Variants in NEK8 observed in about 807,000 individuals in gnomAD.
The protein encoded by NEK8 is NIMA related kinase 8, also known as serine/threonine-protein kinase Nek8.
NEK8 carries 51 observed loss-of-function variants against 77.2 expected under a neutral mutation model. The observed-to-expected ratio is 0.66, with a 90% confidence interval of 0.53 to 0.83. NEK8 has a LOEUF of 0.83. NEK8 is among the 40% of genes least tolerant of loss of function. The pLI, the probability that NEK8 is intolerant of heterozygous loss-of-function variation, is 0.00. For missense variants in NEK8, 787 were observed against 909.2 expected (o/e 0.87, Z 1.73); for synonymous variants, 365 against 363.2 (o/e 1.00, Z -0.06).
rs1323722720 is a variant in NEK8, at chr17:28,728,828, G to A, written c.15G>A (p.Glu5=). The A allele has an allele frequency of 1.3e-6, 2 of 1,551,554 alleles. No individual in the cohort carries two copies. Among genetic ancestry groups the A allele is most frequent in the East Asian group, 4.9e-5 (2 of 40,948 alleles). MEKY[E]RIRVVGRGAF... is the part of the protein sequence containing the mutation. ...TAAGAAATGAGATGGAGAAGTACGA[G>A]CGGATCCGAGTGGTGGGGAGAGGTG... is the stretch of plus-strand genomic sequence containing the variant. Residue 5 remains glutamate, a synonymous_variant, in exon 1 of 15, where the codon GAG becomes GAA. Transcript: ENST00000268766.
rs1567759634 is a variant in NEK8 at position 28,735,014 on chromosome 17, C to G, written c.486+10C>G. ...GAGCAAGGCCTACACGGTGCCTGGG[C>G]ATGGAAGGGACCTCCAGGGCACTAG... On this transcript the variant is annotated intron_variant, in intron 3 of 14. Transcript: ENST00000268766. 1.3e-6 allele frequency: 2 copies of G among 1,596,086 alleles called. No homozygotes were observed. Among genetic ancestry groups the G allele is most frequent in the Admixed American group, 3.3e-5 (2 of 59,980 alleles).
Position 28,734,827 on chromosome 17 carries a change from G to A in NEK8, c.309G>A (p.Glu103=), listed in dbSNP as rs377073596. ...QKRCNSLLEE[E]TILHFFVQIL... ...GCTGTAATTCCCTGCTGGAGGAGGA[G>A]ACCATCCTGCACTTCTTCGTGCAGA... is the stretch of plus-strand genomic sequence containing the variant. Residue 103 remains glutamate (E), a synonymous_variant, in exon 3 of 15, where the codon GAG becomes GAA. Transcript: ENST00000268766. The A allele has an allele frequency of 4.3e-6, 7 of 1,613,744 alleles. No individual in the cohort carries two copies. Among genetic ancestry groups the A allele is most frequent in the African/African-American group, 2.7e-5 (2 of 74,926 alleles).
intron 1 of NEK8, among the ~76,000 whole-genome samples, chr17:28,732,106 A>G (rs558167307): frequency 1.0e-4 from 15 of 145,412 alleles, no homozygotes; most frequent in African/African-American, 3.8e-4. Context: ...AATTTTTTGT[A>G]TTTTTAGTAG....
intron 10 of NEK8, 43 bp downstream of exon 10, chr17:28,739,244 C>A: frequency 2.2e-6 from 3 of 1,338,702 alleles, no homozygotes; most frequent in Non-Finnish European, 3.2e-6. Flanking sequence ...CATCCTCAGC[C>A]ATGACTTGCT....
intron 8 of NEK8, 66 bp downstream of exon 8, chr17:28,738,311 T>C: frequency 6.4e-7 from 1 of 1,569,862 alleles, no homozygotes; most frequent in Non-Finnish European, 8.8e-7. Context: ...CTCTCTTCTC[T>C]TGCAAAACAC....
intron 2 of NEK8, chr17:28,734,520 A>G: frequency 6.8e-6 from 1 of 146,734 alleles, no homozygotes; most frequent in Non-Finnish European, 1.5e-5. Flanking sequence ...CTAAAAATAC[A>G]AAAAAAAAAA....
rs2034276546 is a variant in NEK8, at chr17:28,728,867, C to T, written c.47+7C>T. 1 of 1,549,762 alleles carries T rather than the reference C, an allele frequency of 6.5e-7. No individual in the cohort carries two copies. The highest frequency in any genetic ancestry group is 1.4e-5 in the African/African-American group (1 of 73,158). On this transcript the variant is annotated splice_region_variant and intron_variant, in intron 1 of 14. Transcript: ENST00000268766. ...TGGGGAGAGGTGCCTTCGGGTGAGC[C>T]AGGGCTCTGGGGGAGGAAACTGCTA...
chr17:28,738,991 G>A (rs889842184), intron 9 of NEK8, 93 bp from the exon 10 acceptor site: 1 of 963,748 alleles, frequency 1.0e-6, no homozygotes, highest in Non-Finnish European at 1.7e-6. Flanking sequence ...TCCTGAGAAT[G>A]TGTAGCCTCC....
In NEK8 at chr17:28,740,375, G is replaced by T; in HGVS notation, c.1418-88G>T. On this transcript the variant is annotated intron_variant, in intron 10 of 14. Coordinates refer to ENST00000268766, the MANE Select transcript of NEK8 (RefSeq NM_178170.3). This position sits in a 1 kb window ranked among gnomAD's most constrained non-coding sequence, Gnocchi z 4.7. ...GGGACTGAGAGAACAGAGAACTCAT[G>T]CTGTTCCCTCCCCTCAGTGGGCCCT... The T allele has an allele frequency of 9.0e-7, 1 of 1,111,160 alleles. No individual in the cohort carries two copies. The allele number at this position is 1,111,160 out of a possible 1,614,324, so 68.8% of individuals were successfully genotyped here. A position where few individuals can be genotyped will look rare whatever the true frequency, so the allele number is the denominator to read the frequency against.
At position 28,735,227 on chromosome 17, in the gene NEK8, T is replaced by C. The variant is rs769628597; in HGVS notation, c.487-13T>C. 6.2e-7 allele frequency: 1 copy of C among 1,613,898 alleles called. No individual in the cohort carries two copies. Among genetic ancestry groups the C allele is most frequent in the Non-Finnish European group, 8.5e-7 (1 of 1,179,954 alleles). On this transcript the variant is annotated splice_polypyrimidine_tract_variant and intron_variant, in intron 3 of 14. Transcript: ENST00000268766. Reference sequence around the variant, plus strand: ...CTCCCTGCAGGGCTGTGATCCCAGCTTCTATCCTGCAGGTGGTGGGTACCC... The same window carrying C: ...CTCCCTGCAGGGCTGTGATCCCAGCCTCTATCCTGCAGGTGGTGGGTACCC...
At position 28,742,565 on chromosome 17, in the gene NEK8, A is replaced by C. The variant is rs185303602; in HGVS notation, c.*578A>C. 0.014 allele frequency: 2,405 copies of C among 167,214 alleles called. 23 individuals carry two copies. The highest frequency in any genetic ancestry group is 0.021 in the Non-Finnish European group (1,603 of 75,768). 10.4% of individuals were successfully genotyped at this position (167,214 alleles called of 1,614,324 possible). On this transcript the variant is annotated 3_prime_UTR_variant, in exon 15 of 15. Transcript: ENST00000268766. ...CAGACTCCGTCTCAAAAAAAAAAAA[A>C]AAACAAAAAAGGCTGAAGGCAGCTG... is the stretch of plus-strand genomic sequence containing the variant.
chr17:28,736,728 C>T (rs2034368880), intron 4 of NEK8, among the ~76,000 whole-genome samples: 2 of 152,282 alleles, frequency 1.3e-5, no homozygotes, highest in African/African-American at 4.8e-5. Context: ...GTTGCCTGTT[C>T]ACTCTGATGG....
Position 28,741,521 on chromosome 17 carries a change from C to G in NEK8, c.2000C>G (p.Thr667Arg). 6.2e-7 allele frequency: 1 copy of G among 1,614,140 alleles called. No individual in the cohort carries two copies. Among genetic ancestry groups the G allele is most frequent in the Non-Finnish European group, 8.5e-7 (1 of 1,180,006 alleles). ...PVQLDETHPY[T>R]VTSVSCCHGN... ...CAGTTGGATGAGACACACCCTTACA[C>G]GGTGACTTCCGTGTCCTGTTGCCAT... The change falls in exon 14 of 15, where the codon ACG (threonine) becomes AGG (arginine). Residue 667 changes from threonine to arginine, a missense_variant. Around this residue, in one of 2 missense-constraint regions of NEK8, gnomAD observed 516 missense variants for 544.0 expected, o/e 0.95. Coordinates refer to ENST00000268766, the MANE Select transcript of NEK8 (RefSeq NM_178170.3). The surrounding 1 kb of genome is among the most constrained non-coding windows in gnomAD (Gnocchi z 4.5).
At chr17:28,736,895 TGGTTTTA>T (rs1329728550) in intron 4 of NEK8, among the ~76,000 whole-genome samples, 1 of 152,274 alleles carries the variant, frequency 6.6e-6, no homozygotes, top group African/African-American at 2.4e-5. Context: ...AGGGGTTTGA[TGGTTTTA>T]GGTCTAACAT....
chr17:28,739,366 C>T (rs2034398288), intron 10 of NEK8, among the ~76,000 whole-genome samples, 165 bp downstream of exon 10: 1 of 152,214 alleles, frequency 6.6e-6, no homozygotes, highest in Non-Finnish European at 1.5e-5. Flanking sequence ...TGTGCACACC[C>T]TGTGCTGGGT....
Position 28,732,123 on chromosome 17 carries a change from G to GT in NEK8, c.48-1860_48-1859insT, listed in dbSNP as rs553323832. ...TTTTTTGTATTTTTAGTAGAGACGGGGTTTCATCGTGTTAGCCAGGATAGT... is the reference window on the plus strand; with the variant it reads ...TTTTTTGTATTTTTAGTAGAGACGGGTGTTTCATCGTGTTAGCCAGGATAGT... On this transcript the variant is annotated intron_variant, in intron 1 of 14. Coordinates refer to ENST00000268766, the MANE Select transcript of NEK8 (RefSeq NM_178170.3). Among the ~76,000 whole-genome samples, 111 of 151,134 alleles carry GT rather than the reference G, an allele frequency of 7.3e-4. 1 individual carries two copies. The highest frequency in any genetic ancestry group is 2.6e-3 in the African/African-American group (105 of 41,120).
At position 28,740,938 on chromosome 17, in the gene NEK8, C is replaced by T. The variant is rs775454518; in HGVS notation, c.1685C>T (p.Pro562Leu). ...LLGSAPLDQEPLLSIDLGTAH... is the reference protein window; with the variant it reads ...LLGSAPLDQELLLSIDLGTAH... ...GGCTCTGCACCCCTGGACCAGGAGC[C>T]TCTGCTGAGTATAGACCTGGGCACT... Residue 562 changes from proline (P) to leucine (L), a missense_variant, in exon 12 of 15, where the codon CCT becomes CTT. By Grantham distance (98) the Pro-to-Leu change is moderately conservative. This residue lies in a region of NEK8 where 516 missense variants were observed against 544.0 expected (regional missense o/e 0.95). Transcript: ENST00000268766. The surrounding 1 kb of genome is among the most constrained non-coding windows in gnomAD (Gnocchi z 4.7). The T allele has an allele frequency of 1.9e-6, 3 of 1,614,164 alleles. No homozygotes were observed. The highest frequency in any genetic ancestry group is 2.2e-5 in the South Asian group (2 of 91,088).
rs1003547601 is a variant in NEK8 at position 28,738,607 on chromosome 17, C to T, written c.1223-64C>T. 50 of 1,454,624 alleles carry T rather than the reference C, an allele frequency of 3.4e-5. 1 individual carries two copies. The South Asian group carries it at 4.8e-4, about 14-fold the overall frequency. 90.1% of individuals were successfully genotyped at this position (1,454,624 alleles called of 1,614,324 possible). ...TTGCTGCTGCAACCCACTGGAGGAC[C>T]GGGCTATCTGGAAAGACTGTTTAAC... is the stretch of plus-strand genomic sequence containing the variant. On this transcript the variant is annotated intron_variant, in intron 8 of 14. Coordinates refer to ENST00000268766, the MANE Select transcript of NEK8 (RefSeq NM_178170.3).
chr17:28,738,792 G>A (rs780482293), intron 9 of NEK8, 45 bp downstream of exon 9: 17 of 1,486,312 alleles, frequency 1.1e-5, no homozygotes, highest in Admixed American at 8.4e-5. Flanking sequence ...GGGGGATGGC[G>A]GGGAGCCCAC....
Sources: allele counts gnomAD v4.1 joint callset (sites outside exome capture counted in the v4.1 genomes callset), GRCh38; gene constraint gnomAD v4.1.1; regional missense constraint gnomAD v4.1.1; non-coding constraint Gnocchi (gnomAD v3.1); transcripts MANE v1.5; gene names NCBI Gene and HGNC (gene_info 2026-07-23, HGNC 2026-07-21).